Variants in SPAG16 observed in about 807,000 individuals in gnomAD.
SPAG16 encodes the protein sperm associated antigen 16.
Under a neutral mutation model 80.4 loss-of-function variants are expected in SPAG16, and 86 were observed. The observed-to-expected ratio is 1.07, with a 90% CI of 0.90 to 1.28. The LOEUF is 1.28. Among genes scored for constraint, SPAG16 ranks in the 50% most tolerant of loss-of-function variants. The pLI is 0.00. For missense variants in SPAG16, 870 were observed against 765.3 expected, an observed-to-expected ratio of 1.14 and a Z score of -1.61; for synonymous variants, 294 against 265.9, an observed-to-expected ratio of 1.11 and a Z score of -1.03.
At chr2:214,045,195 C>A (rs1336422821) in intron 13 of SPAG16, among the ~76,000 whole-genome samples, 1 of 152,098 alleles carries the variant, frequency 6.6e-6, no homozygotes, top group Non-Finnish European at 1.5e-5. Context: ...ATCTTAAATA[C>A]CAGCTCTGCC....
At chr2:214,284,107 C>T (rs1559180728) in intron 15 of SPAG16, among the ~76,000 whole-genome samples, 1 of 152,142 alleles carries the variant, frequency 6.6e-6, no homozygotes, top group Non-Finnish European at 1.5e-5. Context: ...ATGACTAGGT[C>T]ATATCCTTAT....
chr2:214,012,286 A>AT (rs1162955315), intron 12 of SPAG16, among the ~76,000 whole-genome samples: 30 of 54,920 alleles, frequency 5.5e-4, no homozygotes, highest in East Asian at 1.7e-3. Context: ...ATATATATAT[A>AT]TATTTTTTTT....
rs563125574 is a variant in SPAG16 at position 214,367,637 on chromosome 2, T to C, written c.1721-42503T>C. Among the ~76,000 whole-genome samples, 6 of 152,278 alleles carry C rather than the reference T, an allele frequency of 3.9e-5. No homozygotes were observed. In the South Asian group the frequency reaches 1.0e-3, roughly 26 times the overall value. The stretch of plus-strand genomic sequence containing the variant: ...CTTCAGGAAACATAGATAGACTACA[T>C]AAAATAATGCCTTTACTCCCAACAT... On this transcript the variant is annotated intron_variant, in intron 15 of 15. Transcript: ENST00000331683.
intron 10 of SPAG16, among the ~76,000 whole-genome samples, chr2:213,776,482 A>G (rs1308683336): frequency 1.3e-5 from 2 of 152,212 alleles, no homozygotes; most frequent in African/African-American, 4.8e-5. Flanking sequence ...CTGCTAATCT[A>G]TAGAAGTGGA....
At chr2:213,347,224 T>C (rs930295218) in intron 6 of SPAG16, among the ~76,000 whole-genome samples, 10 of 152,200 alleles carry the variant, frequency 6.6e-5, no homozygotes, top group Non-Finnish European at 1.5e-5. Flanking sequence ...GTGGGATCGG[T>C]GGTGATATCC....
At chr2:214,315,003 A>G (rs1481077183) in intron 15 of SPAG16, among the ~76,000 whole-genome samples, 1 of 152,094 alleles carries the variant, frequency 6.6e-6, no homozygotes, top group African/African-American at 2.4e-5. Context: ...GAGAATTCTA[A>G]TGAAATAATT....
chr2:213,777,109 A>C (rs2069638157), intron 10 of SPAG16, among the ~76,000 whole-genome samples: 1 of 152,020 alleles, frequency 6.6e-6, no homozygotes, highest in Non-Finnish European at 1.5e-5. Context: ...TTTTTCATGT[A>C]TATCATTTGA....
At chr2:213,638,928 T>A (rs2062475933) in intron 10 of SPAG16, among the ~76,000 whole-genome samples, 1 of 152,228 alleles carries the variant, frequency 6.6e-6, no homozygotes, top group African/African-American at 2.4e-5. Context: ...GCTCCAATGT[T>A]AGGTGCATAT....
intron 14 of SPAG16, among the ~76,000 whole-genome samples, chr2:214,145,726 T>C (rs2055604760): frequency 6.6e-6 from 1 of 152,178 alleles, no homozygotes. Context: ...TTAAATTCAT[T>C]TGAGTCTTAT....
intron 10 of SPAG16, among the ~76,000 whole-genome samples, chr2:213,818,652 A>C (rs1199753926): frequency 1.3e-5 from 2 of 152,146 alleles, no homozygotes; most frequent in African/African-American, 4.8e-5. Flanking sequence ...ATAAACATAC[A>C]TTATATGGTT....
At chr2:214,385,541 C>G (rs1418635412) in intron 15 of SPAG16, among the ~76,000 whole-genome samples, 1 of 152,060 alleles carries the variant, frequency 6.6e-6, no homozygotes. Context: ...AGGGTTATAT[C>G]TTTGTTTTAT....
intron 10 of SPAG16, among the ~76,000 whole-genome samples, chr2:213,698,713 G>A (rs570237631): frequency 1.3e-5 from 2 of 152,196 alleles, no homozygotes; most frequent in South Asian, 2.1e-4. Flanking sequence ...GTCATGCTAA[G>A]GTGTCCTGAG....
intron 15 of SPAG16, among the ~76,000 whole-genome samples, chr2:214,207,808 T>C (rs1292257280): frequency 2.0e-5 from 3 of 152,186 alleles, no homozygotes; most frequent in Non-Finnish European, 4.4e-5. Context: ...GAAGAAGGTA[T>C]GACAAGCTGG....
rs576604092 is a variant in SPAG16, at chr2:214,268,101, A to G, written c.1720+118835A>G. 3.3e-5 allele frequency among the ~76,000 whole-genome samples: 5 copies of G among 151,264 alleles called. No homozygotes were observed. The South Asian group carries it at 1.0e-3, about 31-fold the overall frequency. On this transcript the variant is annotated intron_variant, in intron 15 of 15. Coordinates refer to ENST00000331683, the MANE Select transcript of SPAG16 (RefSeq NM_024532.5). Reference sequence around the variant, plus strand: ...CTCAACATCTCTAATTATAAGAGAAATGTAAATTAAAACCACAATGAGAGA... The same window carrying G: ...CTCAACATCTCTAATTATAAGAGAAGTGTAAATTAAAACCACAATGAGAGA...
At chr2:213,845,444 C>G (rs1404688465) in intron 10 of SPAG16, among the ~76,000 whole-genome samples, 1 of 152,134 alleles carries the variant, frequency 6.6e-6, no homozygotes, top group Non-Finnish European at 1.5e-5. Context: ...GATCCACCCT[C>G]TTCGGCCTCC....
At position 213,504,808 on chromosome 2, in the gene SPAG16, G is replaced by C. The variant is rs73988523; in HGVS notation, c.1070+14718G>C. Among the ~76,000 whole-genome samples the C allele has an allele frequency of 7.4e-3, 1,128 of 152,264 alleles. 22 individuals carry two copies. The highest frequency in any genetic ancestry group is 0.026 in the African/African-American group (1,087 of 41,558). The stretch of plus-strand genomic sequence containing the variant: ...CTATAATCAAGTGAGGTTGAATTCT[G>C]GCTAAATGTCCCTGTGGAGATGTGC... On this transcript the variant is annotated intron_variant, in intron 10 of 15. Coordinates refer to ENST00000331683, the MANE Select transcript of SPAG16 (RefSeq NM_024532.5).
chr2:213,427,445 A>AT (rs1348376808), intron 9 of SPAG16, among the ~76,000 whole-genome samples: 2 of 152,090 alleles, frequency 1.3e-5, no homozygotes, highest in African/African-American at 4.8e-5. Context: ...AGTAACTGGG[A>AT]TTTTTTTGAC....
intron 15 of SPAG16, among the ~76,000 whole-genome samples, chr2:214,385,665 G>A (rs554381606): frequency 2.0e-5 from 3 of 152,248 alleles, no homozygotes; most frequent in South Asian, 4.1e-4. Flanking sequence ...CCCACATGGC[G>A]AAATCCCGTC....
At chr2:214,159,003 A>G (rs1218982937) in intron 15 of SPAG16, among the ~76,000 whole-genome samples, 1 of 151,988 alleles carries the variant, frequency 6.6e-6, no homozygotes, top group Non-Finnish European at 1.5e-5. Flanking sequence ...AATTCAAAAG[A>G]TTTGTATCTA....
Sources: allele counts gnomAD v4.1 joint callset (sites outside exome capture counted in the v4.1 genomes callset), GRCh38; gene constraint gnomAD v4.1.1; transcripts MANE v1.5; gene names NCBI Gene and HGNC (gene_info 2026-07-23, HGNC 2026-07-21).